Variants in PAG1 observed in about 807,000 individuals in gnomAD.
PAG1 encodes the protein phosphoprotein associated with glycosphingolipid-enriched microdomains 1.
PAG1 carries 23 observed loss-of-function variants against 31.7 expected under a neutral mutation model. The ratio of observed to expected loss-of-function variants is 0.73; its 90% CI spans 0.52 to 1.03. The LOEUF (loss-of-function observed/expected upper bound fraction) is 1.03, where lower values mean the gene tolerates loss of function less well. PAG1 is among the 50% of genes least tolerant of loss of function. The pLI, the probability that PAG1 is intolerant of heterozygous loss-of-function variation, is 0.00. For missense variants in PAG1, 473 were observed against 540.7 expected, an observed-to-expected ratio of 0.87 and a Z score of 1.24; for synonymous variants, 214 against 210.3, an observed-to-expected ratio of 1.02 and a Z score of -0.15.
At chr8:80,999,578 G>A (rs945921544) in intron 3 of PAG1, among the ~76,000 whole-genome samples, 9 of 152,154 alleles carry the variant, frequency 5.9e-5, no homozygotes, top group African/African-American at 2.2e-4. Context: ...CATCCTAAAA[G>A]CAAGTTATAA....
rs869177030 is a variant in PAG1 at position 81,085,972 on chromosome 8, GT to G, written c.-233-15803del. ...AGTAGTTACGCTTTTAATCTGGCTT[GT>G]TTTTTTTTTTTTTTTTTTTTTTTTT... On this transcript the variant is annotated intron_variant, in intron 1 of 8. Coordinates refer to ENST00000220597, the MANE Select transcript of PAG1 (RefSeq NM_018440.4). Among the ~76,000 whole-genome samples, 442 of 58,856 alleles carry G rather than the reference GT, an allele frequency of 7.5e-3. 2 individuals are homozygous for G. The highest frequency in any genetic ancestry group is 0.037 in the East Asian group (64 of 1,740). The allele number at this position is 58,856 out of a possible 152,430, so 38.6% of individuals were successfully genotyped here.
At chr8:81,003,219 C>A (rs899840434) in intron 3 of PAG1, among the ~76,000 whole-genome samples, 1 of 152,162 alleles carries the variant, frequency 6.6e-6, no homozygotes, top group African/African-American at 2.4e-5. Context: ...AGAAGAGCTG[C>A]TAGATGTATA....
intron 3 of PAG1, chr8:81,029,698 C>T (rs761825173): frequency 7.2e-5 from 11 of 152,154 alleles, no homozygotes; most frequent in Admixed American, 2.0e-4. Flanking sequence ...TTTGTGTTCA[C>T]GAGTATCTGT....
At chr8:81,087,788 A>G (rs1419406614) in intron 1 of PAG1, among the ~76,000 whole-genome samples, 1 of 152,184 alleles carries the variant, frequency 6.6e-6, no homozygotes, top group African/African-American at 2.4e-5. Flanking sequence ...GCAAGGCTAC[A>G]CTGCAGTCAG....
intron 1 of PAG1, among the ~76,000 whole-genome samples, chr8:81,097,877 C>T (rs547279227): frequency 6.6e-6 from 1 of 152,252 alleles, no homozygotes; most frequent in South Asian, 2.1e-4. Flanking sequence ...CTCTTGAGTC[C>T]TTAGAAGACA....
In PAG1 at chr8:80,976,639, G is replaced by A; in HGVS notation, c.1204C>T (p.Leu402=). The A allele has an allele frequency of 6.2e-7, 1 of 1,614,140 alleles. No individual in the cohort carries two copies. The highest frequency in any genetic ancestry group is 8.5e-7 in the Non-Finnish European group (1 of 1,179,980). Residue 402 remains leucine (L), a synonymous_variant, in exon 9 of 9, where the codon CTG becomes TTG. Transcript: ENST00000220597. Reference sequence around the variant, plus strand: ...AGACCGTGGTGGCCATTGGTCCCCAGGGTGGCCTTTTCTTCCTCTCTGTTG... The same window carrying A: ...AGACCGTGGTGGCCATTGGTCCCCAAGGTGGCCTTTTCTTCCTCTCTGTTG... ...TLNREEEKAT[L]GTNGHHGLVP...
intron 3 of PAG1, among the ~76,000 whole-genome samples, chr8:81,015,537 A>G (rs1369734778): frequency 2.0e-5 from 3 of 149,716 alleles, no homozygotes; most frequent in Non-Finnish European, 3.0e-5. Flanking sequence ...AACCTTTGTA[A>G]GAAGCACTTG....
chr8:81,006,405 C>T (rs1586160339), intron 3 of PAG1, among the ~76,000 whole-genome samples: 7 of 152,326 alleles, frequency 4.6e-5, no homozygotes, highest in African/African-American at 1.7e-4. Context: ...GAAGTGCCAC[C>T]TCTTCCTGGT....
chr8:80,974,213 A>T lies in PAG1; in HGVS notation c.*2331T>A, dbSNP rs1384237367. The stretch of plus-strand genomic sequence containing the variant: ...TACCTACTTTCCTGCCTTTTTGATA[A>T]GTAAGGCATGAAATGAAACAAAAGT... On this transcript the variant is annotated 3_prime_UTR_variant, in exon 9 of 9. Coordinates refer to ENST00000220597, the MANE Select transcript of PAG1 (RefSeq NM_018440.4). The T allele has an allele frequency of 6.9e-6, 1 of 145,332 alleles. No individual in the cohort carries two copies. The highest frequency in any genetic ancestry group is 1.5e-5 in the Non-Finnish European group (1 of 67,120). 9.0% of individuals were successfully genotyped at this position (145,332 alleles called of 1,614,324 possible).
rs910651545 is a variant in PAG1 at position 80,970,098 on chromosome 8, A to T, written c.*6446T>A. ...AAACATTTTACACTCAATTTACTTT[A>T]AAAAGGTTTTTTTTTTGTTTTTGTT... is the stretch of plus-strand genomic sequence containing the variant. On this transcript the variant is annotated 3_prime_UTR_variant, in exon 9 of 9. Transcript: ENST00000220597. The T allele has an allele frequency of 6.6e-6, 1 of 152,136 alleles. No homozygotes were observed. Among genetic ancestry groups the T allele is most frequent in the African/African-American group, 2.4e-5 (1 of 41,384 alleles). The allele number at this position is 152,136 out of a possible 1,614,324, so 9.4% of individuals were successfully genotyped here. A position where few individuals can be genotyped will look rare whatever the true frequency, so the allele number is the denominator to read the frequency against.
intron 8 of PAG1, among the ~76,000 whole-genome samples, chr8:80,977,351 G>T (rs1370154308): frequency 6.6e-6 from 1 of 152,192 alleles, no homozygotes; most frequent in African/African-American, 2.4e-5. Flanking sequence ...GCAGCAACAG[G>T]ATCTGGGAAT....
At chr8:81,042,093 G>T (rs1283793455) in intron 2 of PAG1, among the ~76,000 whole-genome samples, 1 of 152,128 alleles carries the variant, frequency 6.6e-6, no homozygotes, top group Non-Finnish European at 1.5e-5. Flanking sequence ...CAAGATTAAG[G>T]CAGGTGACAG....
chr8:81,058,587 A>T (rs778012173), intron 2 of PAG1: 1 of 151,864 alleles, frequency 6.6e-6, no homozygotes, highest in Non-Finnish European at 1.5e-5. Context: ...CCAGAGCAAG[A>T]TCTTTTAAAG....
chr8:81,080,241 G>A (rs954179287), intron 1 of PAG1, among the ~76,000 whole-genome samples: 6 of 151,992 alleles, frequency 3.9e-5, no homozygotes, highest in Non-Finnish European at 5.9e-5. Context: ...TGCCTATTTC[G>A]TTTTAGTGAC....
chr8:81,099,607 A>G (rs1809579592), intron 1 of PAG1, among the ~76,000 whole-genome samples: 1 of 152,272 alleles, frequency 6.6e-6, no homozygotes, highest in African/African-American at 2.4e-5. Flanking sequence ...AAATATTAAT[A>G]TCTCAAATGA....
intron 2 of PAG1, among the ~76,000 whole-genome samples, chr8:81,045,242 T>C (rs2130853086): frequency 6.6e-6 from 1 of 152,336 alleles, no homozygotes; most frequent in South Asian, 2.1e-4. Context: ...ACTGAAGCAC[T>C]CCACTGATAA....
intron 4 of PAG1, among the ~76,000 whole-genome samples, chr8:80,992,266 G>A: frequency 6.6e-6 from 1 of 152,220 alleles, no homozygotes; most frequent in Non-Finnish European, 1.5e-5. Flanking sequence ...GGGATTAGGA[G>A]GCTAGCTGGG....
At chr8:81,056,905 C>T (rs1586192746) in intron 2 of PAG1, among the ~76,000 whole-genome samples, 1 of 152,088 alleles carries the variant, frequency 6.6e-6, no homozygotes, top group African/African-American at 2.4e-5. Flanking sequence ...AAAAAGTGGG[C>T]AAAGGATATG....
chr8:81,043,518 T>C (rs1327350352), intron 2 of PAG1, among the ~76,000 whole-genome samples: 1 of 151,512 alleles, frequency 6.6e-6, no homozygotes, highest in Non-Finnish European at 1.5e-5. Flanking sequence ...TCCATGTCAG[T>C]ACATATAGGG....
Sources: allele counts gnomAD v4.1 joint callset (sites outside exome capture counted in the v4.1 genomes callset), GRCh38; gene constraint gnomAD v4.1.1; transcripts MANE v1.5; gene names NCBI Gene and HGNC (gene_info 2026-07-23, HGNC 2026-07-21).